ITGBL1: variants seen among roughly 807,000 people sequenced by gnomAD.
The protein encoded by ITGBL1 is integrin beta-like protein 1.
In ITGBL1, 51 loss-of-function variants were observed where a neutral mutation model predicts 68.5. That is an observed-to-expected ratio of 0.74 (90% CI 0.59 to 0.94). ITGBL1 has a LOEUF of 0.94. ITGBL1 is among the 40% of genes least tolerant of loss of function. The probability of loss-of-function intolerance (pLI) is 0.00; values close to 1 mark genes in which losing one functional copy is unlikely to be tolerated. For missense variants in ITGBL1, 649 were observed against 647.4 expected (o/e 1.00, Z -0.03); for synonymous variants, 209 against 227.3 (o/e 0.92, Z 0.72).
intron 2 of ITGBL1, among the ~76,000 whole-genome samples, chr13:101,545,593 T>C (rs1939828305): frequency 6.6e-6 from 1 of 152,110 alleles, no homozygotes; most frequent in African/African-American, 2.4e-5. Flanking sequence ...ACAAATATTT[T>C]AAAAAAACGA....
chr13:101,599,624 G>A (rs1225414067), intron 7 of ITGBL1, among the ~76,000 whole-genome samples: 1 of 152,080 alleles, frequency 6.6e-6, no homozygotes, highest in Non-Finnish European at 1.5e-5. Context: ...TAAGGTGTAA[G>A]GAAGGGATCC....
At chr13:101,690,872 A>G (rs533701021) in intron 7 of ITGBL1, among the ~76,000 whole-genome samples, 4 of 151,744 alleles carry the variant, frequency 2.6e-5, no homozygotes, top group African/African-American at 9.7e-5. Flanking sequence ...ATGGTTCTTG[A>G]TTACAAACAA....
rs2034626560 is a variant in ITGBL1 at position 101,714,520 on chromosome 13, C to T, written c.1362C>T (p.Asp454=). 1 of 1,608,980 alleles carries T rather than the reference C, an allele frequency of 6.2e-7. No homozygotes were observed. Among genetic ancestry groups the T allele is most frequent in the Non-Finnish European group, 8.5e-7 (1 of 1,175,378 alleles). The change falls in exon 10 of 11, where the codon GAC becomes GAT. Residue 454 remains aspartate (D), a synonymous_variant. Transcript: ENST00000376180. ...AGTTCTGTGACTGTGATGACAGAGACTGCGACAAACATGATGGTCTCATTT... is the reference window on the plus strand; with the variant it reads ...AGTTCTGTGACTGTGATGACAGAGATTGCGACAAACATGATGGTCTCATTT... ...SGEFCDCDDR[D]CDKHDGLICT...
At chr13:101,660,846 TGTC>T (rs1424796521) in intron 7 of ITGBL1, among the ~76,000 whole-genome samples, 1 of 152,200 alleles carries the variant, frequency 6.6e-6, no homozygotes, top group Non-Finnish European at 1.5e-5. Context: ...CATTGTCAAA[TGTC>T]TGGCATTTTG....
chr13:101,566,084 A>G (rs2050179467), intron 2 of ITGBL1, among the ~76,000 whole-genome samples: 1 of 152,126 alleles, frequency 6.6e-6, no homozygotes, highest in Non-Finnish European at 1.5e-5. Flanking sequence ...TTCCTGATTC[A>G]CCAAATTACT....
intron 6 of ITGBL1, among the ~76,000 whole-genome samples, chr13:101,595,252 AAGAC>A (rs768745885): frequency 3.3e-5 from 5 of 152,074 alleles, no homozygotes; most frequent in Non-Finnish European, 7.4e-5. Flanking sequence ...GAGAGAGAGG[AAGAC>A]AGAGGGAACA....
At chr13:101,561,033 G>A (rs1229422705) in intron 2 of ITGBL1, among the ~76,000 whole-genome samples, 1 of 152,186 alleles carries the variant, frequency 6.6e-6, no homozygotes, top group Non-Finnish European at 1.5e-5. Context: ...CACAGGAAAA[G>A]CAACTGGCCC....
chr13:101,699,107 T>G (rs972656949), intron 8 of ITGBL1, among the ~76,000 whole-genome samples: 13 of 152,174 alleles, frequency 8.5e-5, no homozygotes, highest in African/African-American at 3.1e-4. Context: ...GATCACACAC[T>G]CAGACTAACC....
intron 9 of ITGBL1, among the ~76,000 whole-genome samples, chr13:101,709,988 T>C (rs1386213524): frequency 6.6e-6 from 1 of 152,004 alleles, no homozygotes; most frequent in African/African-American, 2.4e-5. Flanking sequence ...ATGTAGAAAA[T>C]ACAAAGAAAA....
At chr13:101,696,093 G>C (rs2033996022) in intron 8 of ITGBL1, among the ~76,000 whole-genome samples, 1 of 142,700 alleles carries the variant, frequency 7.0e-6, no homozygotes, top group African/African-American at 2.6e-5. Flanking sequence ...TGTGCATATG[G>C]GCTGTGTTAT....
chr13:101,654,865 A>T (rs1022591466), intron 7 of ITGBL1, among the ~76,000 whole-genome samples: 1 of 152,086 alleles, frequency 6.6e-6, no homozygotes, highest in African/African-American at 2.4e-5. Context: ...AGACCTGGAA[A>T]CCAAGAAGAA....
chr13:101,629,077 T>C (rs1315926880), intron 7 of ITGBL1, among the ~76,000 whole-genome samples: 1 of 152,164 alleles, frequency 6.6e-6, no homozygotes, highest in African/African-American at 2.4e-5. Context: ...TTTTGTTTAG[T>C]TGTTTTGTGT....
chr13:101,543,308 C>T (rs1260161748), intron 2 of ITGBL1, among the ~76,000 whole-genome samples: 2 of 152,258 alleles, frequency 1.3e-5, no homozygotes, highest in South Asian at 2.1e-4. Flanking sequence ...ATTTCTCCTT[C>T]ACTTATAAAG....
intron 2 of ITGBL1, among the ~76,000 whole-genome samples, chr13:101,471,144 AT>A (rs973248080): frequency 1.2e-4 from 18 of 152,148 alleles, no homozygotes; most frequent in African/African-American, 4.3e-4. Flanking sequence ...TCATTTTCAT[AT>A]GTGAAAGTGT....
At chr13:101,504,029 A>C (rs1316558045) in intron 2 of ITGBL1, among the ~76,000 whole-genome samples, 2 of 152,180 alleles carry the variant, frequency 1.3e-5, no homozygotes, top group African/African-American at 4.8e-5. Flanking sequence ...TTGTGGCTGA[A>C]ACACAGGCAT....
intron 8 of ITGBL1, among the ~76,000 whole-genome samples, chr13:101,698,663 A>G (rs748967860): frequency 1.3e-5 from 2 of 152,236 alleles, no homozygotes; most frequent in Non-Finnish European, 2.9e-5. Context: ...TTATCAGATA[A>G]GTCACTATTT....
At chr13:101,631,062 G>T (rs1275961232) in intron 7 of ITGBL1, among the ~76,000 whole-genome samples, 1 of 152,096 alleles carries the variant, frequency 6.6e-6, no homozygotes, top group East Asian at 1.9e-4. Flanking sequence ...GCACTTGTTG[G>T]TTAGTTAAAG....
chr13:101,715,628 A>G lies in ITGBL1; in HGVS notation c.1459A>G (p.Ile487Val), dbSNP rs1335942584. The G allele has an allele frequency of 6.2e-7, 1 of 1,612,862 alleles. No individual in the cohort carries two copies. Among genetic ancestry groups the G allele is most frequent in the South Asian group, 1.1e-5 (1 of 91,060 alleles). ...WDGWNGNACEIWLGSEYP is the reference protein window; with the variant it reads ...WDGWNGNACEVWLGSEYP ...TGGATGGAATGGAAATGCATGTGAA[A>G]TCTGGCTTGGCTCAGAATATCCTTA... is the stretch of plus-strand genomic sequence containing the variant. Residue 487 changes from isoleucine to valine, a missense_variant, in exon 11 of 11, where the codon ATC (isoleucine) becomes GTC (valine). Coordinates refer to ENST00000376180, the MANE Select transcript of ITGBL1 (RefSeq NM_004791.3).
intron 2 of ITGBL1, among the ~76,000 whole-genome samples, chr13:101,454,743 A>G (rs763356410): frequency 1.2e-4 from 18 of 152,222 alleles, no homozygotes; most frequent in Non-Finnish European, 1.8e-4. Flanking sequence ...TTGCCCTCTC[A>G]TTATTAGAAT....
Sources: gnomAD v4.1 joint callset for allele counts (sites outside exome capture counted in the v4.1 genomes callset) on GRCh38, gnomAD v4.1.1 for gene constraint, MANE v1.5 for transcripts, NCBI Gene and HGNC (gene_info 2026-07-23, HGNC 2026-07-21) for gene names.